Variants in TCF7L1 observed in about 807,000 individuals in gnomAD.
The protein encoded by TCF7L1 is transcription factor 7 like 1, also known as transcription factor 7-like 1.
TCF7L1 carries 18 observed loss-of-function variants against 63.7 expected under a neutral mutation model. That is an observed-to-expected ratio of 0.28 (90% confidence interval 0.20 to 0.42). TCF7L1 has a LOEUF of 0.42. Ranked by LOEUF, TCF7L1 falls within the 10% of genes least tolerant of loss-of-function variation. The probability of loss-of-function intolerance (pLI) is 1.00; values close to 1 mark genes in which losing one functional copy is unlikely to be tolerated. For synonymous variants in TCF7L1, 355 were observed against 340.9 expected, an observed-to-expected ratio of 1.04 and a Z score of -0.46; for missense variants, 654 against 779.3, an observed-to-expected ratio of 0.84 and a Z score of 1.91.
chr2:85,162,479 C>G (rs1327085819), intron 3 of TCF7L1, among the ~76,000 whole-genome samples: 1 of 152,158 alleles, frequency 6.6e-6, no homozygotes, highest in African/African-American at 2.4e-5. Context: ...TATTAAACAC[C>G]AGCTTCACTC....
At chr2:85,192,061 ATAG>A (rs1176978288) in intron 3 of TCF7L1, among the ~76,000 whole-genome samples, 1 of 152,188 alleles carries the variant, frequency 6.6e-6, no homozygotes, top group Non-Finnish European at 1.5e-5. Flanking sequence ...TCTGTGCTGC[ATAG>A]GGCTGGGTGT....
At chr2:85,196,155 G>A (rs995690408) in intron 3 of TCF7L1, among the ~76,000 whole-genome samples, 2 of 152,186 alleles carry the variant, frequency 1.3e-5, no homozygotes, top group African/African-American at 2.4e-5. Flanking sequence ...GGACTCATAC[G>A]AGAAGCAGGG....
chr2:85,252,532 A>C (rs950301223), intron 3 of TCF7L1, among the ~76,000 whole-genome samples: 5 of 152,128 alleles, frequency 3.3e-5, no homozygotes, highest in African/African-American at 1.2e-4. Flanking sequence ...CTTCCCTGGG[A>C]GTTTGGGGAG....
chr2:85,302,663 T>C (rs762190975), intron 5 of TCF7L1, 47 bp downstream of exon 5: 2 of 1,461,454 alleles, frequency 1.4e-6, no homozygotes, highest in South Asian at 1.2e-5. Flanking sequence ...GCAGGCGGGC[T>C]TCTCTTTTGT....
intron 3 of TCF7L1, among the ~76,000 whole-genome samples, chr2:85,150,586 CTT>C (rs71390054): frequency 7.1e-6 from 1 of 140,438 alleles, no homozygotes; most frequent in Non-Finnish European, 1.5e-5. Context: ...AGAACCTTGA[CTT>C]TTTTTTTTTT....
intron 3 of TCF7L1, among the ~76,000 whole-genome samples, chr2:85,165,963 C>G (rs1232980671): frequency 6.6e-6 from 1 of 152,178 alleles, no homozygotes; most frequent in Non-Finnish European, 1.5e-5. Context: ...GTGGACAGGT[C>G]TATGCAGTTT....
chr2:85,169,481 C>A (rs1678498060), intron 3 of TCF7L1, among the ~76,000 whole-genome samples: 2 of 152,106 alleles, frequency 1.3e-5, no homozygotes, highest in South Asian at 2.1e-4. Context: ...CCACCTCAGC[C>A]TCCCAAAGTG....
At chr2:85,186,586 A>C (rs945471011) in intron 3 of TCF7L1, 1 of 152,134 alleles carries the variant, frequency 6.6e-6, no homozygotes, top group Non-Finnish European at 1.5e-5. Context: ...AAAGATGATA[A>C]ATTTGTTTCC....
At chr2:85,296,320 A>G (rs1048968610) in intron 4 of TCF7L1, among the ~76,000 whole-genome samples, 2 of 152,112 alleles carry the variant, frequency 1.3e-5, no homozygotes, top group Non-Finnish European at 2.9e-5. Flanking sequence ...TGTTTTGTAG[A>G]ATGTCCCTTA....
intron 3 of TCF7L1, among the ~76,000 whole-genome samples, chr2:85,282,637 C>G (rs1348906352): frequency 6.6e-6 from 1 of 152,130 alleles, no homozygotes; most frequent in Non-Finnish European, 1.5e-5. Context: ...CATTCAGGGT[C>G]ACACAGCCTA....
At chr2:85,224,155 A>G (rs948146254) in intron 3 of TCF7L1, among the ~76,000 whole-genome samples, 2 of 152,236 alleles carry the variant, frequency 1.3e-5, no homozygotes, top group African/African-American at 2.4e-5. Flanking sequence ...TCCATGGTGT[A>G]TATGTGCCAC....
Position 85,302,635 on chromosome 2 carries a change from A to G in TCF7L1, c.658+19A>G, listed in dbSNP as rs769973977. Reference sequence around the variant, plus strand: ...AAGACAGGTAAGTCGTCTGCCACTCAGGCAGTGCTGCTGCAGGGCAGGCGG... The same window carrying G: ...AAGACAGGTAAGTCGTCTGCCACTCGGGCAGTGCTGCTGCAGGGCAGGCGG... On this transcript the variant is annotated intron_variant, in intron 5 of 11. Coordinates refer to ENST00000282111, the MANE Select transcript of TCF7L1 (RefSeq NM_031283.3). 1 of 1,606,868 alleles carries G rather than the reference A, an allele frequency of 6.2e-7. No individual in the cohort carries two copies. Among genetic ancestry groups the G allele is most frequent in the South Asian group, 1.1e-5 (1 of 90,744 alleles).
intron 3 of TCF7L1, among the ~76,000 whole-genome samples, chr2:85,281,672 T>C (rs1185135960): frequency 6.6e-6 from 1 of 152,118 alleles, no homozygotes; most frequent in Non-Finnish European, 1.5e-5. Flanking sequence ...GGTCGCAAAG[T>C]GAAAAGACTG....
At chr2:85,281,109 C>T (rs1051012365) in intron 3 of TCF7L1, among the ~76,000 whole-genome samples, 2 of 150,474 alleles carry the variant, frequency 1.3e-5, no homozygotes, top group East Asian at 2.0e-4. Flanking sequence ...CTGCAACCTC[C>T]GCCTCCTGGG....
intron 3 of TCF7L1, among the ~76,000 whole-genome samples, chr2:85,183,804 A>G (rs1678856709): frequency 6.6e-6 from 1 of 152,218 alleles, no homozygotes; most frequent in Admixed American, 6.5e-5. Flanking sequence ...AGCCCAGCTC[A>G]GGATACGGAA....
At chr2:85,251,193 A>C (rs1452655411) in intron 3 of TCF7L1, among the ~76,000 whole-genome samples, 1 of 152,198 alleles carries the variant, frequency 6.6e-6, no homozygotes, top group Non-Finnish European at 1.5e-5. Context: ...ACAATTTAGG[A>C]GTGGAAAGAA....
intron 3 of TCF7L1, among the ~76,000 whole-genome samples, chr2:85,195,532 C>T (rs188904574): frequency 1.3e-5 from 2 of 151,916 alleles, no homozygotes; most frequent in African/African-American, 4.8e-5. Context: ...TGCTTTTTTG[C>T]TTTCCTTTCT....
Position 85,134,550 on chromosome 2 carries a change from C to G in TCF7L1, c.441+100C>G, listed in dbSNP as rs1677544729. 1.6e-5 allele frequency: 24 copies of G among 1,454,914 alleles called. No homozygotes were observed. The highest frequency in any genetic ancestry group is 5.0e-5 in the Admixed American group (2 of 40,046). 90.1% of individuals were successfully genotyped at this position (1,454,914 alleles called of 1,614,324 possible). On this transcript the variant is annotated intron_variant, in intron 3 of 11. Coordinates refer to ENST00000282111, the MANE Select transcript of TCF7L1 (RefSeq NM_031283.3). The surrounding 1 kb of genome is among the most constrained non-coding windows in gnomAD (Gnocchi z 5.0). ...GAGTGGGGGATGGGGCCTTCTGCGC[C>G]GATCCCAAGCAGAACTTGTTTGCGG...
chr2:85,195,944 T>C (rs1259777994), intron 3 of TCF7L1, among the ~76,000 whole-genome samples: 1 of 152,178 alleles, frequency 6.6e-6, no homozygotes, highest in East Asian at 1.9e-4. Context: ...CTGACTGAGA[T>C]CAGAAAAAGG....
Sources: gnomAD v4.1 joint callset for allele counts (sites outside exome capture counted in the v4.1 genomes callset) on GRCh38, gnomAD v4.1.1 for gene constraint, Gnocchi (gnomAD v3.1) non-coding constraint, MANE v1.5 for transcripts, NCBI Gene and HGNC (gene_info 2026-07-23, HGNC 2026-07-21) for gene names.